DAPK1: variants seen among roughly 807,000 people sequenced by gnomAD.
DAPK1 encodes the protein death-associated protein kinase 1.
Under a neutral mutation model 144.9 loss-of-function variants are expected in DAPK1, and 56 were observed. The observed-to-expected ratio is 0.39, with a 90% confidence interval of 0.31 to 0.48. The LOEUF is 0.48. Ranked by LOEUF, DAPK1 falls within the 20% of genes least tolerant of loss-of-function variation. The pLI is 0.95. For synonymous variants in DAPK1, 690 were observed against 749.0 expected (o/e 0.92, Z 1.29); for missense variants, 1,454 against 1,875.4 (o/e 0.78, Z 4.15).
At chr9:87,556,262 G>A (rs950862993) in intron 2 of DAPK1, among the ~76,000 whole-genome samples, 1 of 152,152 alleles carries the variant, frequency 6.6e-6, no homozygotes, top group South Asian at 2.1e-4. Flanking sequence ...TCACAACAGC[G>A]CTGTGAGGTT....
intron 2 of DAPK1, among the ~76,000 whole-genome samples, chr9:87,598,476 G>A (rs1321170540): frequency 3.3e-5 from 5 of 151,994 alleles, no homozygotes; most frequent in South Asian, 2.1e-4. Context: ...TGCTGTTTTC[G>A]TCACTTTTTT....
rs185090891 is a variant in DAPK1 at position 87,575,620 on chromosome 9, A to G, written c.63-29334A>G. ...GAGGAGTGGCATCAATATTATTTAA[A>G]TGTTGAGAATCAAATAGATTTTGAG... On this transcript the variant is annotated intron_variant, in intron 2 of 25. Transcript: ENST00000408954. Among the ~76,000 whole-genome samples, 33 of 152,304 alleles carry G rather than the reference A, an allele frequency of 2.2e-4. No homozygotes were observed. In the East Asian group the frequency reaches 5.8e-3, roughly 27 times the overall value.
chr9:87,616,085 C>G (rs778592370), intron 3 of DAPK1, among the ~76,000 whole-genome samples: 17 of 152,222 alleles, frequency 1.1e-4, no homozygotes, highest in Admixed American at 2.6e-4. Context: ...GAAAGCCAAC[C>G]TGGCCTCCCA....
At chr9:87,648,011 T>C (rs1830328250) in intron 14 of DAPK1, among the ~76,000 whole-genome samples, 2 of 152,254 alleles carry the variant, frequency 1.3e-5, no homozygotes, top group African/African-American at 4.8e-5. Context: ...TTATTTATTC[T>C]ACTGTACAAT....
intron 3 of DAPK1, among the ~76,000 whole-genome samples, chr9:87,637,078 C>CT (rs894492014): frequency 6.6e-6 from 1 of 151,632 alleles, no homozygotes; most frequent in Non-Finnish European, 1.5e-5. Context: ...ATACATTTTG[C>CT]TTTTTTTGTA....
chr9:87,503,871 T>A (rs1824497337), intron 2 of DAPK1, among the ~76,000 whole-genome samples: 1 of 152,238 alleles, frequency 6.6e-6, no homozygotes, highest in Non-Finnish European at 1.5e-5. Context: ...TTAAATATTT[T>A]ACATTGGTTT....
chr9:87,652,756 C>T (rs3118842), intron 17 of DAPK1, among the ~76,000 whole-genome samples: 51 of 140,314 alleles, frequency 3.6e-4, no homozygotes, highest in Non-Finnish European at 6.9e-4. Context: ...GATTCTGTGT[C>T]CTCCCACCTG....
chr9:87,557,967 C>G (rs1273725658), intron 2 of DAPK1, among the ~76,000 whole-genome samples: 1 of 152,110 alleles, frequency 6.6e-6, no homozygotes, highest in South Asian at 2.1e-4. Flanking sequence ...AAACAAAAAC[C>G]GAATCCTTTA....
chr9:87,604,815 CCCTA>C (rs1382317379), intron 2 of DAPK1, 135 bp from the exon 3 acceptor site: 6 of 665,354 alleles, frequency 9.0e-6, no homozygotes, highest in Non-Finnish European at 1.6e-5. Flanking sequence ...TAAGAAACAT[CCCTA>C]CCTAATTTGT....
chr9:87,569,592 T>C (rs78274251), intron 2 of DAPK1, among the ~76,000 whole-genome samples: 1 of 152,232 alleles, frequency 6.6e-6, no homozygotes, highest in Non-Finnish European at 1.5e-5. Context: ...ACCTAAGTTC[T>C]CACTGCTGGA....
chr9:87,505,753 G>A (rs1478324984), intron 2 of DAPK1, among the ~76,000 whole-genome samples: 4 of 152,062 alleles, frequency 2.6e-5, no homozygotes, highest in Admixed American at 2.0e-4. Context: ...GCAGTGGGGC[G>A]ATCTTGGCTC....
intron 2 of DAPK1, among the ~76,000 whole-genome samples, chr9:87,592,375 G>A (rs927528155): frequency 2.0e-5 from 3 of 152,192 alleles, no homozygotes; most frequent in Non-Finnish European, 2.9e-5. Context: ...CATCCACAGA[G>A]CTTCTAAAGC....
Position 87,703,022 on chromosome 9 carries a change from C to G in DAPK1, c.2872-7C>G, listed in dbSNP as rs202112243. 13 of 1,496,604 alleles carry G rather than the reference C, an allele frequency of 8.7e-6. No homozygotes were observed. Among genetic ancestry groups the G allele is most frequent in the Admixed American group, 1.7e-5 (1 of 59,824 alleles). 92.7% of individuals were successfully genotyped at this position (1,496,604 alleles called of 1,614,324 possible). A position where few individuals can be genotyped will look rare whatever the true frequency, so the allele number is the denominator to read the frequency against. On this transcript the variant is annotated splice_polypyrimidine_tract_variant and splice_region_variant and intron_variant, in intron 24 of 25. Transcript: ENST00000408954. ...TGAGTTAACCTGTCTGGCCCTGCCCCCTCTAGGTCTGTCCTCCCATGACTC... is the reference window on the plus strand; with the variant it reads ...TGAGTTAACCTGTCTGGCCCTGCCCGCTCTAGGTCTGTCCTCCCATGACTC...
Position 87,525,267 on chromosome 9 carries a change from T to G in DAPK1, c.62+26128T>G, listed in dbSNP as rs1825454164. ...CCTAAAAAATGCGTTGAATAGAGCT[T>G]CTTGCTTTTACCTCGTTGCACTCCT... On this transcript the variant is annotated intron_variant, in intron 2 of 25. Coordinates refer to ENST00000408954, the MANE Select transcript of DAPK1 (RefSeq NM_004938.4). 2.6e-6 allele frequency: 4 copies of G among 1,514,368 alleles called. No individual in the cohort carries two copies. In the African/African-American group the frequency reaches 4.1e-5, roughly 16 times the overall value. The allele number at this position is 1,514,368 out of a possible 1,614,324, so 93.8% of individuals were successfully genotyped here.
At chr9:87,646,398 C>A in intron 12 of DAPK1, 63 bp from the exon 13 acceptor site, 2 of 1,208,030 alleles carry the variant, frequency 1.7e-6, no homozygotes, top group South Asian at 1.2e-5. Context: ...CAGCAATCAT[C>A]GTTTGGGCTT....
At chr9:87,497,718 G>T, upstream of DAPK1, 1 of 250,618 alleles carries the variant, frequency 4.0e-6, no homozygotes, top group East Asian at 7.8e-5. Flanking sequence ...GAGCTGGGAG[G>T]AGCAGCGAGC....
chr9:87,674,646 A>G (rs1564063659), intron 19 of DAPK1, among the ~76,000 whole-genome samples: 1 of 152,080 alleles, frequency 6.6e-6, no homozygotes, highest in Non-Finnish European at 1.5e-5. Flanking sequence ...AAAATTCACC[A>G]CCTGTAAACT....
chr9:87,691,035 T>C (rs1825038217), intron 21 of DAPK1, among the ~76,000 whole-genome samples: 1 of 151,996 alleles, frequency 6.6e-6, no homozygotes, highest in Admixed American at 6.6e-5. Flanking sequence ...GCAATGCTGG[T>C]TTCATGGAAT....
intron 17 of DAPK1, among the ~76,000 whole-genome samples, chr9:87,656,165 GC>G (rs2119203175): frequency 6.6e-6 from 1 of 152,308 alleles, no homozygotes; most frequent in South Asian, 2.1e-4. Context: ...GAAGAGGGAA[GC>G]CTGTTTTCCA....
Sources: gnomAD v4.1 joint callset for allele counts (sites outside exome capture counted in the v4.1 genomes callset) on GRCh38, gnomAD v4.1.1 for gene constraint, MANE v1.5 for transcripts, NCBI Gene and HGNC (gene_info 2026-07-23, HGNC 2026-07-21) for gene names.